Variants in SSH2 observed in about 807,000 individuals in gnomAD.
The protein encoded by SSH2 is protein phosphatase Slingshot homolog 2.
A neutral mutation model predicts 135.2 loss-of-function variants in SSH2; 37 were observed. The observed-to-expected ratio is 0.27, with a 90% CI of 0.21 to 0.36. SSH2 has a LOEUF of 0.36. Among genes scored for constraint, SSH2 ranks in the 10% least tolerant of loss-of-function variants. SSH2 has a pLI of 1.00. For synonymous variants in SSH2, 628 were observed against 646.2 expected (o/e 0.97, Z 0.43); for missense variants, 1,408 against 1,765.3 (o/e 0.80, Z 3.63).
chr17:29,783,318 T>TTA (rs372884691), intron 3 of SSH2, among the ~76,000 whole-genome samples: 60,329 of 141,878 alleles, frequency 0.43, 12,930 homozygotes, highest in African/African-American at 0.47. Context: ...ATAACATATA[T>TTA]TATATATATA....
At chr17:29,860,777 G>T (rs941513602) in intron 1 of SSH2, among the ~76,000 whole-genome samples, 1 of 147,430 alleles carries the variant, frequency 6.8e-6, no homozygotes, top group African/African-American at 2.5e-5. Flanking sequence ...ACAGAGTCTC[G>T]CTCTGTCCCC....
rs55721735 is a variant in SSH2 at position 29,701,404 on chromosome 17, CTTT to C, written c.292+1552_292+1554del. 3.9e-3 allele frequency among the ~76,000 whole-genome samples: 352 copies of C among 90,332 alleles called. 2 individuals are homozygous for C. The highest frequency in any genetic ancestry group is 0.013 in the African/African-American group (280 of 20,884). 59.3% of individuals were successfully genotyped at this position (90,332 alleles called of 152,430 possible). A position where few individuals can be genotyped will look rare whatever the true frequency, so the allele number is the denominator to read the frequency against. ...TCATAGGCGCGAGCCGTGCCTGGCT[CTTT>C]TTTTTTTTTTTTTTTTTTTTGAGAC... On this transcript the variant is annotated intron_variant, in intron 4 of 15. Transcript: ENST00000540801.
At chr17:29,848,000 C>T (rs1421880214) in intron 2 of SSH2, among the ~76,000 whole-genome samples, 1 of 152,178 alleles carries the variant, frequency 6.6e-6, no homozygotes, top group Non-Finnish European at 1.5e-5. Flanking sequence ...TGAGTTAGTG[C>T]TGTTCCACAA....
chr17:29,680,414 G>A (rs1363559688), intron 6 of SSH2, among the ~76,000 whole-genome samples: 2 of 151,692 alleles, frequency 1.3e-5, no homozygotes, highest in Non-Finnish European at 2.9e-5. Context: ...GGGTGCAGGG[G>A]CAGACAGACA....
chr17:29,822,234 A>C (rs2042666118), intron 2 of SSH2, among the ~76,000 whole-genome samples: 1 of 152,232 alleles, frequency 6.6e-6, no homozygotes, highest in Non-Finnish European at 1.5e-5. Context: ...GTAAATGAGT[A>C]CTGCACTTCC....
intron 2 of SSH2, among the ~76,000 whole-genome samples, chr17:29,823,509 C>A (rs1359688682): frequency 1.3e-5 from 2 of 152,142 alleles, no homozygotes; most frequent in Non-Finnish European, 2.9e-5. Context: ...AACTCCCTCA[C>A]CCTGCTTAGG....
chr17:29,715,262 T>C (rs1189025526), intron 3 of SSH2, among the ~76,000 whole-genome samples: 1 of 151,670 alleles, frequency 6.6e-6, no homozygotes, highest in Admixed American at 6.6e-5. Context: ...TTTTTTTTTT[T>C]TGAGATGGAG....
chr17:29,752,468 T>C (rs1293418847), intron 3 of SSH2, among the ~76,000 whole-genome samples: 1 of 151,856 alleles, frequency 6.6e-6, no homozygotes, highest in Non-Finnish European at 1.5e-5. Context: ...AACTATCCAA[T>C]TGGAAAAAAA....
intron 2 of SSH2, among the ~76,000 whole-genome samples, chr17:29,804,843 CTTTTTTTTTTTT>C (rs531310094): frequency 1.7e-4 from 17 of 98,998 alleles, no homozygotes; most frequent in African/African-American, 3.4e-4. Flanking sequence ...CCACATCTGG[CTTTTTTTTTTTT>C]TTTTTTTTTT....
At chr17:29,672,951 C>A (rs903431522) in intron 8 of SSH2, among the ~76,000 whole-genome samples, 2 of 152,116 alleles carry the variant, frequency 1.3e-5, no homozygotes, top group African/African-American at 4.8e-5. Flanking sequence ...AAGACATCTG[C>A]CTGTCTTGGC....
intron 6 of SSH2, among the ~76,000 whole-genome samples, chr17:29,678,525 A>T (rs916298523): frequency 2.6e-5 from 4 of 152,182 alleles, no homozygotes. Context: ...AAAGGGAATT[A>T]AAAAATGTAA....
chr17:29,763,286 G>T (rs1244703269), intron 3 of SSH2, among the ~76,000 whole-genome samples: 2 of 152,144 alleles, frequency 1.3e-5, no homozygotes, highest in Admixed American at 6.5e-5. Context: ...TTAACGGAAG[G>T]TCTGGATCTT....
At chr17:29,917,744 A>G (rs928139035) in intron 1 of SSH2, among the ~76,000 whole-genome samples, 3 of 152,008 alleles carry the variant, frequency 2.0e-5, no homozygotes, top group African/African-American at 4.8e-5. Context: ...AATACCAGCT[A>G]CTCGGGAGGC....
rs2040050598 is a variant in SSH2, at chr17:29,727,757, G to T, written c.189-24695C>A. ...GAAAAACAGAAAACCCTTCCTCTAA[G>T]ATCTGGAACATGACAAGGATGCCCA... On this transcript the variant is annotated intron_variant, in intron 3 of 15. Transcript: ENST00000540801. Among the ~76,000 whole-genome samples the T allele has an allele frequency of 2.0e-5, 3 of 152,150 alleles. No homozygotes were observed. In the South Asian group the frequency reaches 6.2e-4, roughly 32 times the overall value.
At chr17:29,803,660 A>G (rs2042291135) in intron 2 of SSH2, among the ~76,000 whole-genome samples, 1 of 152,216 alleles carries the variant, frequency 6.6e-6, no homozygotes, top group African/African-American at 2.4e-5. Context: ...ATTTGCAGCC[A>G]TCTTTCGACC....
At chr17:29,699,385 TCTG>T (rs2038890549) in intron 4 of SSH2, among the ~76,000 whole-genome samples, 1 of 152,206 alleles carries the variant, frequency 6.6e-6, no homozygotes, top group African/African-American at 2.4e-5. Context: ...TGCTCTCAAT[TCTG>T]CCATCAACTT....
chr17:29,641,030 C>T (rs1488836260), intron 14 of SSH2, among the ~76,000 whole-genome samples: 1 of 152,166 alleles, frequency 6.6e-6, no homozygotes, highest in Non-Finnish European at 1.5e-5. Context: ...CTGCCTCAGC[C>T]TCCAGAGTAG....
At chr17:29,834,184 T>C (rs1473089520) in intron 2 of SSH2, among the ~76,000 whole-genome samples, 1 of 151,976 alleles carries the variant, frequency 6.6e-6, no homozygotes, top group African/African-American at 2.4e-5. Context: ...TAAATGACTT[T>C]CACAGAAGAA....
chr17:29,850,583 A>G (rs765400431), intron 1 of SSH2, among the ~76,000 whole-genome samples: 2 of 151,934 alleles, frequency 1.3e-5, no homozygotes, highest in African/African-American at 2.4e-5. Flanking sequence ...TTTTTTTTCT[A>G]CTCTGACCCT....
Sources: gnomAD v4.1 joint callset for allele counts (sites outside exome capture counted in the v4.1 genomes callset) on GRCh38, gnomAD v4.1.1 for gene constraint, MANE v1.5 for transcripts, NCBI Gene and HGNC (gene_info 2026-07-23, HGNC 2026-07-21) for gene names.